AKAP13: variants seen among roughly 807,000 people sequenced by gnomAD.
The protein encoded by AKAP13 is A-kinase anchor protein 13.
A neutral mutation model predicts 264.5 loss-of-function variants in AKAP13; 80 were observed. That is an observed-to-expected ratio of 0.30 (90% CI 0.25 to 0.36). The LOEUF (loss-of-function observed/expected upper bound fraction) is 0.36. AKAP13 is among the 10% of genes least tolerant of loss of function. The pLI is 1.00. For missense variants in AKAP13, 3,712 were observed against 3,435.2 expected (o/e 1.08, Z -2.01); for synonymous variants, 1,380 against 1,250.2 (o/e 1.10, Z -2.19).
chr15:85,462,411 C>T (rs2074552153), intron 1 of AKAP13, among the ~76,000 whole-genome samples: 1 of 152,124 alleles, frequency 6.6e-6, no homozygotes, highest in African/African-American at 2.4e-5. Flanking sequence ...AGAAGTTTGC[C>T]ATCTGAGTTT....
At chr15:85,433,942 AAAAAT>A (rs1313789873) in intron 1 of AKAP13, among the ~76,000 whole-genome samples, 1 of 95,360 alleles carries the variant, frequency 1.0e-5, no homozygotes, top group Non-Finnish European at 2.1e-5. Context: ...CTCTGTCTCA[AAAAAT>A]AAAAAAATAA....
At chr15:85,466,200 G>C (rs1271536033) in intron 1 of AKAP13, among the ~76,000 whole-genome samples, 3 of 150,282 alleles carry the variant, frequency 2.0e-5, no homozygotes, top group Non-Finnish European at 4.5e-5. Context: ...TGATGGGGTT[G>C]TTTGTTTTTT....
intron 1 of AKAP13, among the ~76,000 whole-genome samples, chr15:85,450,952 T>A (rs2074065346): frequency 6.6e-6 from 1 of 152,124 alleles, no homozygotes; most frequent in African/African-American, 2.4e-5. Context: ...GTCAGTGGAG[T>A]GTTGAAGTCT....
chr15:85,740,349 T>G, intron 34 of AKAP13, 77 bp downstream of exon 34: 1 of 1,547,520 alleles, frequency 6.5e-7, no homozygotes, highest in Non-Finnish European at 8.9e-7. Context: ...GACTTGGATC[T>G]TTGAGGTTTG....
rs372834678 is a variant in AKAP13 at position 85,527,079 on chromosome 15, C to T, written c.181+5504C>T. Among the ~76,000 whole-genome samples, 16 of 152,028 alleles carry T rather than the reference C, an allele frequency of 1.1e-4. 1 individual carries two copies. The East Asian group carries it at 1.9e-3, about 18-fold the overall frequency. On this transcript the variant is annotated intron_variant, in intron 3 of 36. Coordinates refer to ENST00000394518, the MANE Select transcript of AKAP13 (RefSeq NM_007200.5). The stretch of plus-strand genomic sequence containing the variant: ...AGGCCATTCTCCTGCCTCAGCCTCC[C>T]GAGTTCCCGAGTAGCTGGGACTACA...
intron 1 of AKAP13, among the ~76,000 whole-genome samples, chr15:85,458,506 A>C (rs919682566): frequency 6.7e-6 from 1 of 150,334 alleles, no homozygotes; most frequent in African/African-American, 2.5e-5. Flanking sequence ...CATAGCTCTA[A>C]TTTATATATT....
chr15:85,613,691 A>AAAAAATATATATATATATATAT (rs1313187436), intron 8 of AKAP13, among the ~76,000 whole-genome samples: 6 of 91,964 alleles, frequency 6.5e-5, no homozygotes, highest in African/African-American at 2.7e-4. Context: ...AAAAAAAAAA[A>AAAAAATATATATATATATATAT]ATATATATAT....
intron 1 of AKAP13, among the ~76,000 whole-genome samples, chr15:85,404,615 A>C (rs1022146786): frequency 6.6e-6 from 1 of 152,126 alleles, no homozygotes; most frequent in Non-Finnish European, 1.5e-5. Flanking sequence ...TCATTCTCAC[A>C]GTTGGTTATA....
intron 2 of AKAP13, among the ~76,000 whole-genome samples, chr15:85,495,975 G>A (rs1169427490): frequency 3.9e-5 from 6 of 152,140 alleles, no homozygotes; most frequent in African/African-American, 7.2e-5. Flanking sequence ...AATAGGGACC[G>A]TTCCTTATGA....
intron 1 of AKAP13, among the ~76,000 whole-genome samples, chr15:85,413,390 C>G (rs994593811): frequency 1.3e-5 from 2 of 152,122 alleles, no homozygotes; most frequent in African/African-American, 4.8e-5. Flanking sequence ...GGCTGTAGTT[C>G]AGTTGTCGTT....
intron 32 of AKAP13, 96 bp from the exon 33 acceptor site, chr15:85,735,994 G>T (rs2088453168): frequency 9.9e-7 from 1 of 1,011,062 alleles, no homozygotes. Flanking sequence ...GGCTGTGGTA[G>T]AAAATGGAAA....
At chr15:85,699,875 C>T (rs1567202129) in intron 17 of AKAP13, among the ~76,000 whole-genome samples, 1 of 152,190 alleles carries the variant, frequency 6.6e-6, no homozygotes, top group South Asian at 2.1e-4. Flanking sequence ...TGATGTGAAA[C>T]ATTATCAGGA....
chr15:85,615,999 G>T (rs941269553), intron 8 of AKAP13, among the ~76,000 whole-genome samples: 1 of 152,154 alleles, frequency 6.6e-6, no homozygotes, highest in African/African-American at 2.4e-5. Context: ...TTAGTACCTT[G>T]TGTTCTCTGC....
At chr15:85,736,842 G>T (rs1191955613) in intron 33 of AKAP13, among the ~76,000 whole-genome samples, 1 of 151,868 alleles carries the variant, frequency 6.6e-6, no homozygotes, top group East Asian at 1.9e-4. Context: ...TCTGGAACAT[G>T]GGCATTTAAC....
chr15:85,698,466 A>AC (rs67752864), intron 17 of AKAP13, among the ~76,000 whole-genome samples: 3 of 5,132 alleles, frequency 5.8e-4, no homozygotes, highest in Non-Finnish European at 1.6e-3. Context: ...CTCTGTCTCC[A>AC]AAAAAAAAAA....
chr15:85,693,221 A>G, intron 16 of AKAP13, 56 bp from the exon 17 acceptor site: 1 of 1,479,484 alleles, frequency 6.8e-7, no homozygotes, highest in East Asian at 2.5e-5. Context: ...TGCCCAGGTA[A>G]GGAGAAAGCC....
intron 3 of AKAP13, among the ~76,000 whole-genome samples, chr15:85,528,623 A>G (rs1253832513): frequency 6.6e-6 from 1 of 152,188 alleles, no homozygotes. Context: ...AATCTGTTGC[A>G]GTGGAGCTGG....
intron 2 of AKAP13, among the ~76,000 whole-genome samples, chr15:85,487,207 A>T (rs1180022134): frequency 3.3e-5 from 5 of 152,224 alleles, no homozygotes; most frequent in Admixed American, 3.3e-4. Flanking sequence ...GGATCAAGTG[A>T]TCAGAGATCG....
intron 29 of AKAP13, among the ~76,000 whole-genome samples, chr15:85,728,483 A>G (rs2087752449): frequency 6.6e-6 from 1 of 152,238 alleles, no homozygotes; most frequent in Non-Finnish European, 1.5e-5. Flanking sequence ...ACTGCTAGGT[A>G]CAACAGATGC....
Sources: gnomAD v4.1 joint callset for allele counts (sites outside exome capture counted in the v4.1 genomes callset) on GRCh38, gnomAD v4.1.1 for gene constraint, MANE v1.5 for transcripts, NCBI Gene and HGNC (gene_info 2026-07-23, HGNC 2026-07-21) for gene names.